The following NRXN3 variants were observed in gnomAD, a reference collection of about 807,000 sequenced individuals.
NRXN3 encodes neurexin III.
A neutral mutation model predicts 137.6 loss-of-function variants in NRXN3; 32 were observed. That is an observed-to-expected ratio of 0.23 (90% CI 0.18 to 0.31). NRXN3 has a LOEUF of 0.31. NRXN3 is among the 10% of genes least tolerant of loss of function. The probability of loss-of-function intolerance (pLI) is 1.00; values close to 1 mark genes in which losing one functional copy is unlikely to be tolerated. For synonymous variants in NRXN3, 798 were observed against 784.5 expected, an observed-to-expected ratio of 1.02 and a Z score of -0.29; for missense variants, 1,574 against 2,062.5, an observed-to-expected ratio of 0.76 and a Z score of 4.59.
At chr14:79,182,704 CT>C (rs2063079035) in intron 15 of NRXN3, among the ~76,000 whole-genome samples, 1 of 152,142 alleles carries the variant, frequency 6.6e-6, no homozygotes, top group African/African-American at 2.4e-5. Flanking sequence ...TTGGAGACCC[CT>C]TTTCTAAGTG....
At chr14:78,446,927 T>C (rs1445266108) in intron 4 of NRXN3, among the ~76,000 whole-genome samples, 2 of 152,218 alleles carry the variant, frequency 1.3e-5, no homozygotes, top group Non-Finnish European at 2.9e-5. Flanking sequence ...ACATGGTCCC[T>C]CATTCCAGAA....
intron 4 of NRXN3, among the ~76,000 whole-genome samples, chr14:78,468,913 G>A (rs1289772073): frequency 2.0e-5 from 3 of 152,128 alleles, no homozygotes; most frequent in Non-Finnish European, 4.4e-5. Context: ...AGGAACCTGG[G>A]CTTGGGTGAC....
intron 15 of NRXN3, among the ~76,000 whole-genome samples, chr14:79,092,094 A>C (rs2049308922): frequency 6.6e-6 from 1 of 152,184 alleles, no homozygotes; most frequent in Non-Finnish European, 1.5e-5. Flanking sequence ...TATAATAGAC[A>C]GTTCTACATC....
intron 15 of NRXN3, among the ~76,000 whole-genome samples, chr14:79,143,882 A>C (rs774250596): frequency 6.6e-6 from 1 of 152,230 alleles, no homozygotes; most frequent in African/African-American, 2.4e-5. Flanking sequence ...GACAGGGAGT[A>C]AGCAGATTTT....
chr14:78,450,149 C>T (rs929488157), intron 4 of NRXN3, among the ~76,000 whole-genome samples: 8 of 152,200 alleles, frequency 5.3e-5, no homozygotes, highest in Non-Finnish European at 2.9e-5. Flanking sequence ...GTGCAAATGA[C>T]TGGGTATAGG....
intron 19 of NRXN3, among the ~76,000 whole-genome samples, chr14:79,783,965 TCTC>T (rs1164087559): frequency 1.3e-5 from 2 of 152,188 alleles, no homozygotes; most frequent in African/African-American, 2.4e-5. Context: ...ATGAAATTTG[TCTC>T]CTGAGAGAAA....
intron 16 of NRXN3, among the ~76,000 whole-genome samples, chr14:79,652,762 T>C (rs2153974123): frequency 6.6e-6 from 1 of 152,186 alleles, no homozygotes; most frequent in Admixed American, 6.6e-5. Context: ...TTCATATTTC[T>C]GCTTGGGTGT....
chr14:78,235,002 A>ATATATATATATATATATG (rs1555418554), intron 1 of NRXN3, among the ~76,000 whole-genome samples: 1 of 47,448 alleles, frequency 2.1e-5, no homozygotes, highest in Non-Finnish European at 3.8e-5. Context: ...TTTTATATAT[A>ATATATATATATATATATG]TATATATATA....
intron 19 of NRXN3, among the ~76,000 whole-genome samples, chr14:79,739,870 T>C (rs1340874624): frequency 6.6e-6 from 1 of 152,074 alleles, no homozygotes; most frequent in African/African-American, 2.4e-5. Flanking sequence ...TTTAATGTCT[T>C]TCACAGGTAC....
chr14:79,158,056 A>G (rs548320887), intron 15 of NRXN3, among the ~76,000 whole-genome samples: 1 of 151,902 alleles, frequency 6.6e-6, no homozygotes, highest in East Asian at 1.9e-4. Context: ...CTGTCCATTA[A>G]GAAGATAATA....
At chr14:79,332,094 G>C (rs545498671) in intron 15 of NRXN3, among the ~76,000 whole-genome samples, 2 of 152,180 alleles carry the variant, frequency 1.3e-5, no homozygotes, top group South Asian at 4.1e-4. Flanking sequence ...CACATGGGTG[G>C]GCATGTGTTA....
intron 4 of NRXN3, among the ~76,000 whole-genome samples, chr14:78,562,396 C>CAAAAAA (rs752464669): frequency 2.0e-5 from 1 of 49,470 alleles, no homozygotes; most frequent in African/African-American, 6.6e-5. Flanking sequence ...ACTTATATCT[C>CAAAAAA]AAAAAAAAAA....
At chr14:78,590,165 T>G (rs2152398301) in intron 4 of NRXN3, among the ~76,000 whole-genome samples, 1 of 152,312 alleles carries the variant, frequency 6.6e-6, no homozygotes, top group Non-Finnish European at 1.5e-5. Flanking sequence ...TGTGGTGCTC[T>G]TTGTGGTGTA....
chr14:79,596,960 G>A (rs914517581), intron 16 of NRXN3, among the ~76,000 whole-genome samples: 1 of 152,064 alleles, frequency 6.6e-6, no homozygotes, highest in East Asian at 1.9e-4. Context: ...TTATGGAGTC[G>A]TAACTATTAG....
intron 4 of NRXN3, among the ~76,000 whole-genome samples, chr14:78,394,490 G>A (rs1290045292): frequency 1.3e-5 from 2 of 151,558 alleles, no homozygotes; most frequent in South Asian, 2.1e-4. Context: ...TTTTGTTAAG[G>A]TTTTTTGTGT....
At chr14:78,915,345 C>CAAAAAAAAAAAAAAA in intron 10 of NRXN3, among the ~76,000 whole-genome samples, 1 of 11,190 alleles carries the variant, frequency 8.9e-5, no homozygotes, top group African/African-American at 2.8e-4. Flanking sequence ...ACGTGTGAAG[C>CAAAAAAAAAAAAAAA]AAAAAAAAAA....
chr14:78,927,923 T>C (rs1029747319), intron 10 of NRXN3, among the ~76,000 whole-genome samples: 1 of 152,116 alleles, frequency 6.6e-6, no homozygotes, highest in African/African-American at 2.4e-5. Context: ...TGAGTCTCTA[T>C]ATCTGAGGGA....
chr14:79,476,303 G>A (rs980033715), intron 16 of NRXN3, among the ~76,000 whole-genome samples: 2 of 151,986 alleles, frequency 1.3e-5, no homozygotes, highest in African/African-American at 4.8e-5. Flanking sequence ...GACGTCAGAG[G>A]GAACTGTATA....
intron 4 of NRXN3, among the ~76,000 whole-genome samples, chr14:78,532,415 GTGTT>G (rs2096480355): frequency 6.8e-6 from 1 of 148,144 alleles, no homozygotes; most frequent in Admixed American, 6.7e-5. Context: ...GTGTGTGTGT[GTGTT>G]TTAGTTCTCC....
Sources: gnomAD v4.1 joint callset for allele counts (sites outside exome capture counted in the v4.1 genomes callset) on GRCh38, gnomAD v4.1.1 for gene constraint, MANE v1.5 for transcripts, NCBI Gene and HGNC (gene_info 2026-07-23, HGNC 2026-07-21) for gene names.